Variants in CTNNA3 observed in about 807,000 individuals in gnomAD.
CTNNA3 encodes catenin alpha 3, also known as catenin alpha-3.
Under a neutral mutation model 95.7 loss-of-function variants are expected in CTNNA3, and 76 were observed. That is an observed-to-expected ratio of 0.79 (90% CI 0.66 to 0.96). The LOEUF (loss-of-function observed/expected upper bound fraction) is 0.96, where lower values mean the gene tolerates loss of function less well. Among genes scored for constraint, CTNNA3 ranks in the 40% least tolerant of loss-of-function variants. The pLI is 0.00. For missense variants in CTNNA3, 1,191 were observed against 1,089.8 expected, an observed-to-expected ratio of 1.09 and a Z score of -1.31; for synonymous variants, 431 against 374.4, an observed-to-expected ratio of 1.15 and a Z score of -1.74.
intron 5 of CTNNA3, among the ~76,000 whole-genome samples, chr10:67,429,692 T>G (rs1160761848): frequency 6.6e-6 from 1 of 151,996 alleles, no homozygotes; most frequent in Non-Finnish European, 1.5e-5. Flanking sequence ...TTGTGTAGGT[T>G]TTTTTCTACA....
At chr10:67,120,574 G>T (rs951763037) in intron 7 of CTNNA3, among the ~76,000 whole-genome samples, 1 of 151,888 alleles carries the variant, frequency 6.6e-6, no homozygotes, top group African/African-American at 2.4e-5. Flanking sequence ...TCCCCAAATG[G>T]AGTAGTCAAG....
intron 15 of CTNNA3, among the ~76,000 whole-genome samples, chr10:66,037,785 T>C (rs2133480837): frequency 6.6e-6 from 1 of 152,312 alleles, no homozygotes; most frequent in South Asian, 2.1e-4. Flanking sequence ...CATCAACCTC[T>C]CCCGTGTTGT....
intron 9 of CTNNA3, among the ~76,000 whole-genome samples, chr10:66,708,317 T>C (rs1055670513): frequency 6.6e-6 from 1 of 151,818 alleles, no homozygotes; most frequent in Non-Finnish European, 1.5e-5. Context: ...AAAATCAAGG[T>C]GTTGGCAGGT....
At chr10:67,669,363 T>C (rs576193056) in intron 1 of CTNNA3, among the ~76,000 whole-genome samples, 10 of 152,282 alleles carry the variant, frequency 6.6e-5, no homozygotes, top group Non-Finnish European at 1.5e-5. Context: ...CCATCCATGT[T>C]ACACTCTAAT....
intron 5 of CTNNA3, among the ~76,000 whole-genome samples, chr10:67,326,034 C>T (rs2620923): frequency 0.86 from 131,129 of 152,148 alleles, 58,042 homozygotes; most frequent in Non-Finnish European, 0.96. Flanking sequence ...TTTTGTCAGA[C>T]ACTAGGATTG....
chr10:67,746,966 G>A (rs888615791), intron 1 of CTNNA3, among the ~76,000 whole-genome samples: 2 of 152,198 alleles, frequency 1.3e-5, no homozygotes, highest in African/African-American at 4.8e-5. Context: ...TGGATGGCTT[G>A]GACCCAAGAG....
chr10:66,876,972 T>C (rs1011907899), intron 7 of CTNNA3, among the ~76,000 whole-genome samples: 1 of 152,148 alleles, frequency 6.6e-6, no homozygotes, highest in Non-Finnish European at 1.5e-5. Context: ...GTGAGTTACC[T>C]GGGAAGCCCT....
At chr10:67,501,852 T>C (rs1219684414) in intron 5 of CTNNA3, among the ~76,000 whole-genome samples, 1 of 151,886 alleles carries the variant, frequency 6.6e-6, no homozygotes, top group Non-Finnish European at 1.5e-5. Context: ...GTTATTCTAG[T>C]TAGCAATTCC....
chr10:66,448,979 T>G (rs954927524), intron 11 of CTNNA3, among the ~76,000 whole-genome samples: 16 of 152,074 alleles, frequency 1.1e-4, no homozygotes, highest in African/African-American at 3.6e-4. Flanking sequence ...ATATGTCTCT[T>G]TCTTTTTGAA....
intron 10 of CTNNA3, among the ~76,000 whole-genome samples, chr10:66,595,080 A>C (rs937061399): frequency 3.3e-5 from 5 of 152,086 alleles, no homozygotes; most frequent in African/African-American, 1.2e-4. Flanking sequence ...CAATTTTAAC[A>C]AACACCCATG....
At chr10:66,408,290 C>A (rs1007405954) in intron 11 of CTNNA3, among the ~76,000 whole-genome samples, 1 of 152,170 alleles carries the variant, frequency 6.6e-6, no homozygotes, top group African/African-American at 2.4e-5. Flanking sequence ...CCTTTTAAAT[C>A]TCCATTTTTT....
At chr10:66,161,125 G>A (rs1274815910) in intron 13 of CTNNA3, among the ~76,000 whole-genome samples, 1 of 152,096 alleles carries the variant, frequency 6.6e-6, no homozygotes, top group African/African-American at 2.4e-5. Flanking sequence ...GAGTCCTCAT[G>A]CATTCTGCAG....
chr10:66,571,843 G>A (rs371917697), intron 10 of CTNNA3, among the ~76,000 whole-genome samples: 32 of 152,152 alleles, frequency 2.1e-4, no homozygotes, highest in South Asian at 1.9e-3. Context: ...TCATTGTCAC[G>A]TCACAGATGA....
chr10:66,347,075 T>G (rs924816783), intron 12 of CTNNA3, among the ~76,000 whole-genome samples: 6 of 152,146 alleles, frequency 3.9e-5, no homozygotes, highest in African/African-American at 1.2e-4. Flanking sequence ...ATAGTATTTC[T>G]CTTTCTTTGT....
chr10:66,180,324 A>C (rs141410391), intron 13 of CTNNA3, among the ~76,000 whole-genome samples: 2 of 152,304 alleles, frequency 1.3e-5, no homozygotes, highest in East Asian at 3.9e-4. Context: ...TGAATACAAA[A>C]GATGAAATGG....
chr10:66,938,919 G>A (rs1178064295), intron 7 of CTNNA3, among the ~76,000 whole-genome samples: 3 of 152,138 alleles, frequency 2.0e-5, no homozygotes, highest in Non-Finnish European at 4.4e-5. Context: ...ATACATTTGT[G>A]ATCTCTCCCC....
At chr10:66,684,171 G>A (rs1409222913) in intron 9 of CTNNA3, among the ~76,000 whole-genome samples, 1 of 152,036 alleles carries the variant, frequency 6.6e-6, no homozygotes, top group Non-Finnish European at 1.5e-5. Flanking sequence ...ATTTTGTCAG[G>A]GATATTGGGG....
intron 11 of CTNNA3, among the ~76,000 whole-genome samples, chr10:66,395,185 A>T (rs1280150950): frequency 2.6e-5 from 4 of 152,068 alleles, no homozygotes; most frequent in Non-Finnish European, 5.9e-5. Context: ...TTAATTTTAA[A>T]GTCAAGTACA....
chr10:66,691,960 G>A (rs1847561592), intron 9 of CTNNA3, among the ~76,000 whole-genome samples: 2 of 152,126 alleles, frequency 1.3e-5, no homozygotes. Context: ...AAACCCATCT[G>A]TACATCGCCA....
Sources: allele counts gnomAD v4.1 joint callset (sites outside exome capture counted in the v4.1 genomes callset), GRCh38; gene constraint gnomAD v4.1.1; transcripts MANE v1.5; gene names NCBI Gene and HGNC (gene_info 2026-07-23, HGNC 2026-07-21).